Variants in NHSL1 observed in about 807,000 individuals in gnomAD.
The protein encoded by NHSL1 is NHS like 1.
A neutral mutation model predicts 95.0 loss-of-function variants in NHSL1; 48 were observed. The ratio of observed to expected loss-of-function variants is 0.51; its 90% CI spans 0.40 to 0.64. The LOEUF is 0.64. NHSL1 is among the 30% of genes least tolerant of loss of function. NHSL1 has a pLI of 0.00. For missense variants in NHSL1, 1,971 were observed against 2,077.7 expected, an observed-to-expected ratio of 0.95 and a Z score of 1.00; for synonymous variants, 783 against 833.9, an observed-to-expected ratio of 0.94 and a Z score of 1.05.
At chr6:138,465,809 T>C (rs1214407933) in intron 3 of NHSL1, among the ~76,000 whole-genome samples, 4 of 149,470 alleles carry the variant, frequency 2.7e-5, no homozygotes, top group African/African-American at 7.4e-5. Context: ...CTGCAACCTC[T>C]GCCTCCTGGG....
intron 1 of NHSL1, among the ~76,000 whole-genome samples, chr6:138,607,659 C>T (rs1379226056): frequency 2.0e-5 from 3 of 152,120 alleles, no homozygotes; most frequent in East Asian, 1.9e-4. Flanking sequence ...AAAGCTGTGG[C>T]CAATGCCTCA....
intron 1 of NHSL1, among the ~76,000 whole-genome samples, chr6:138,584,366 C>A (rs1784103037): frequency 1.3e-5 from 2 of 152,150 alleles, no homozygotes; most frequent in South Asian, 4.1e-4. Flanking sequence ...TCTTTTAAAA[C>A]TTAAAAAATT....
Position 138,662,958 on chromosome 6 carries a change from T to A in NHSL1, c.96+29518A>T, listed in dbSNP as rs536625653. 2.2e-3 allele frequency among the ~76,000 whole-genome samples: 324 copies of A among 149,312 alleles called. 4 individuals are homozygous for A. The highest frequency in any genetic ancestry group is 7.5e-3 in the African/African-American group (302 of 40,414). On this transcript the variant is annotated intron_variant, in intron 1 of 3. Transcript: ENST00000491526. ...CAAAAACCCCCTTTAAAAAAAAAAA[T>A]GGTTACCTGTGACCCAGGAACTCTA...
At chr6:138,670,709 A>G (rs2114759559) in intron 1 of NHSL1, among the ~76,000 whole-genome samples, 1 of 151,916 alleles carries the variant, frequency 6.6e-6, no homozygotes, top group South Asian at 2.1e-4. Context: ...AGTCTCAGAG[A>G]TAAGAAGAGA....
chr6:138,491,777 A>G (rs1780091588), intron 2 of NHSL1, among the ~76,000 whole-genome samples: 1 of 152,130 alleles, frequency 6.6e-6, no homozygotes, highest in African/African-American at 2.4e-5. Flanking sequence ...GAGACCAGAA[A>G]TGTTTCCGAT....
intron 1 of NHSL1, among the ~76,000 whole-genome samples, chr6:138,664,791 C>T (rs1264567031): frequency 6.6e-6 from 1 of 152,218 alleles, no homozygotes; most frequent in African/African-American, 2.4e-5. Flanking sequence ...CTGAAATCTG[C>T]AAAGCAGGCC....
intron 1 of NHSL1, among the ~76,000 whole-genome samples, chr6:138,645,433 T>C (rs1785005414): frequency 6.6e-6 from 1 of 152,172 alleles, no homozygotes; most frequent in Non-Finnish European, 1.5e-5. Context: ...TAGCCTGTTT[T>C]ATTTGTTCTA....
chr6:138,691,795 T>C (rs1012908127), intron 1 of NHSL1: 1 of 420,566 alleles, frequency 2.4e-6, no homozygotes, highest in African/African-American at 2.1e-5. Flanking sequence ...GACTTGACTT[T>C]CAGGGTTGGA....
intron 2 of NHSL1, among the ~76,000 whole-genome samples, chr6:138,479,057 A>G (rs1161351421): frequency 6.6e-6 from 1 of 152,228 alleles, no homozygotes; most frequent in Non-Finnish European, 1.5e-5. Flanking sequence ...TCCCTGACTT[A>G]TACTCAGGGT....
chr6:138,444,825 C>A (rs1455763714), intron 4 of NHSL1, among the ~76,000 whole-genome samples: 3 of 152,020 alleles, frequency 2.0e-5, no homozygotes, highest in Non-Finnish European at 2.9e-5. Flanking sequence ...AAAACTAATT[C>A]TTTAAGAAAT....
Position 138,571,286 on chromosome 6 carries a change from G to A in NHSL1, c.202+424C>T, listed in dbSNP as rs190024523. Reference sequence around the variant, plus strand: ...ATGTAATTCCTCAATCTTAGAAGAAGGATGCAAGAAGACTATGTACGATTC... The same window carrying A: ...ATGTAATTCCTCAATCTTAGAAGAAAGATGCAAGAAGACTATGTACGATTC... On this transcript the variant is annotated intron_variant, in intron 1 of 6. Coordinates refer to the NHSL1 transcript ENST00000427025. 1.6e-3 allele frequency among the ~76,000 whole-genome samples: 244 copies of A among 152,310 alleles called. 1 individual carries two copies. The highest frequency in any genetic ancestry group is 5.6e-3 in the African/African-American group (234 of 41,574).
At chr6:138,437,363 TATATATATACAC>T (rs1323270901) in intron 5 of NHSL1, among the ~76,000 whole-genome samples, 1 of 18,550 alleles carries the variant, frequency 5.4e-5, no homozygotes, top group African/African-American at 2.3e-4. Context: ...TATACACATA[TATATATATACAC>T]ATATATATAT....
At chr6:138,502,446 G>A (rs1038785611), upstream of NHSL1, among the ~76,000 whole-genome samples, 14 of 151,316 alleles carry the variant, frequency 9.3e-5, no homozygotes, top group African/African-American at 2.7e-4. Context: ...TGGTACTTCT[G>A]ATGCCTACTT....
At chr6:138,617,408 T>C (rs965853839) in intron 1 of NHSL1, among the ~76,000 whole-genome samples, 1 of 152,198 alleles carries the variant, frequency 6.6e-6, no homozygotes, top group African/African-American at 2.4e-5. Flanking sequence ...CATTACTTCC[T>C]AGACTCACTG....
In NHSL1 at chr6:138,624,025, T is replaced by C. The variant is rs140725243; in HGVS notation, c.96+68451A>G. Among the ~76,000 whole-genome samples, 134 of 152,308 alleles carry C rather than the reference T, an allele frequency of 8.8e-4. No homozygotes were observed. The East Asian group carries it at 0.023, about 26-fold the overall frequency. ...TGAGGCCTCCCCAGCCATGTGGAAC[T>C]GTGAGTCAGTTAAGCCTCTTTCCTT... On this transcript the variant is annotated intron_variant, in intron 1 of 3. Transcript: ENST00000491526.
chr6:138,559,410 G>C (rs1167902405), intron 1 of NHSL1, among the ~76,000 whole-genome samples: 1 of 152,208 alleles, frequency 6.6e-6, no homozygotes. Context: ...AACTTTCAAG[G>C]CTTATACACC....
intron 1 of NHSL1, among the ~76,000 whole-genome samples, chr6:138,511,520 CAAGTGAT>C (rs1781229644): frequency 6.6e-6 from 1 of 151,958 alleles, no homozygotes; most frequent in South Asian, 2.1e-4. Context: ...CCCCTGGGCT[CAAGTGAT>C]CTGCCCACCA....
upstream of NHSL1, among the ~76,000 whole-genome samples, chr6:138,548,131 G>A (rs150364787): frequency 4.1e-3 from 617 of 152,060 alleles, 2 homozygotes; most frequent in Non-Finnish European, 6.8e-3. Context: ...ACAGGTGCCC[G>A]CCACCATGCC....
intron 3 of NHSL1, among the ~76,000 whole-genome samples, chr6:138,455,597 C>T (rs1268022370): frequency 6.6e-6 from 1 of 151,256 alleles, no homozygotes; most frequent in African/African-American, 2.4e-5. Flanking sequence ...GCTATGTGAT[C>T]TTGAGAAAGC....
Sources: allele counts gnomAD v4.1 joint callset (sites outside exome capture counted in the v4.1 genomes callset), GRCh38; gene constraint gnomAD v4.1.1; transcripts MANE v1.5; gene names NCBI Gene and HGNC (gene_info 2026-07-23, HGNC 2026-07-21).